Variants in TTC27 observed in about 807,000 individuals in gnomAD.
TTC27 encodes tetratricopeptide repeat domain 27, also known as tetratricopeptide repeat protein 27.
Under a neutral mutation model 115.9 loss-of-function variants are expected in TTC27, and 79 were observed. That is an observed-to-expected ratio of 0.68 (90% CI 0.57 to 0.82). The LOEUF is 0.82. Among genes scored for constraint, TTC27 ranks in the 40% least tolerant of loss-of-function variants. The pLI, the probability that TTC27 is intolerant of heterozygous loss-of-function variation, is 0.00. For synonymous variants in TTC27, 401 were observed against 356.0 expected (o/e 1.13, Z -1.42); for missense variants, 1,054 against 993.1 (o/e 1.06, Z -0.82).
At chr2:32,748,632 A>G (rs933108729) in intron 12 of TTC27, among the ~76,000 whole-genome samples, 2 of 150,022 alleles carry the variant, frequency 1.3e-5, no homozygotes, top group Admixed American at 6.6e-5. Context: ...TGATTGTTAT[A>G]TCTTTCTTGA....
chr2:32,753,841 AGGTGGG>A (rs1391761045), intron 12 of TTC27, among the ~76,000 whole-genome samples: 1 of 151,766 alleles, frequency 6.6e-6, no homozygotes. Flanking sequence ...TGAGAGGCCG[AGGTGGG>A]CAGATCACTT....
chr2:32,770,022 G>A (rs1051439930), intron 13 of TTC27, among the ~76,000 whole-genome samples: 4 of 152,154 alleles, frequency 2.6e-5, no homozygotes, highest in African/African-American at 9.7e-5. Context: ...GTGAATATTG[G>A]TGTGAACTAC....
At chr2:32,723,268 C>T (rs1488360179) in intron 10 of TTC27, among the ~76,000 whole-genome samples, 2 of 152,026 alleles carry the variant, frequency 1.3e-5, no homozygotes, top group Admixed American at 6.5e-5. Flanking sequence ...GATAACACTG[C>T]GTACATCTTA....
intron 5 of TTC27, among the ~76,000 whole-genome samples, chr2:32,654,721 A>G: frequency 6.9e-6 from 1 of 145,126 alleles, no homozygotes; most frequent in Non-Finnish European, 1.5e-5. Flanking sequence ...TTTGAGATGG[A>G]GTCTCGCTCT....
intron 9 of TTC27, among the ~76,000 whole-genome samples, chr2:32,683,190 A>G (rs569461458): frequency 2.0e-5 from 3 of 151,962 alleles, no homozygotes; most frequent in Non-Finnish European, 4.4e-5. Context: ...GGGTTTCACT[A>G]TGTTGGCCAG....
chr2:32,705,704 C>T (rs922829140), intron 10 of TTC27, among the ~76,000 whole-genome samples: 4 of 152,036 alleles, frequency 2.6e-5, no homozygotes, highest in African/African-American at 9.7e-5. Flanking sequence ...GCTACAGGTG[C>T]ATGCAACTGT....
At chr2:32,739,980 G>A (rs907983172) in intron 12 of TTC27, among the ~76,000 whole-genome samples, 15 of 152,114 alleles carry the variant, frequency 9.9e-5, no homozygotes, top group South Asian at 2.1e-4. Context: ...TTTACATCCC[G>A]GTGTTGTAGG....
chr2:32,717,079 C>T (rs567431663), intron 10 of TTC27, among the ~76,000 whole-genome samples: 1 of 151,340 alleles, frequency 6.6e-6, no homozygotes, highest in East Asian at 1.9e-4. Context: ...TCACAGCTCA[C>T]TACAATCTTG....
intron 5 of TTC27, among the ~76,000 whole-genome samples, chr2:32,650,666 A>T (rs868481393): frequency 1.6e-4 from 25 of 152,138 alleles, no homozygotes; most frequent in African/African-American, 5.8e-4. Context: ...ATAAGAAATT[A>T]TCCTATATCC....
intron 17 of TTC27, among the ~76,000 whole-genome samples, chr2:32,811,685 T>C (rs917239125): frequency 1.3e-5 from 2 of 152,210 alleles, no homozygotes; most frequent in Non-Finnish European, 2.9e-5. Context: ...CATAATACTT[T>C]TACAAAGGTT....
rs139769197 is a variant in TTC27, at chr2:32,747,921, T to G, written c.1453-10371T>G. Among the ~76,000 whole-genome samples, 475 of 152,100 alleles carry G rather than the reference T, an allele frequency of 3.1e-3. 6 individuals are homozygous for G. Among genetic ancestry groups the G allele is most frequent in the African/African-American group, 0.011 (464 of 41,524 alleles). Reference sequence around the variant, plus strand: ...GATTTTAAAGATTTAACTTTTGGTTTTTTGATTTTCTCTATTATTTTTTGA... The same window carrying G: ...GATTTTAAAGATTTAACTTTTGGTTGTTTGATTTTCTCTATTATTTTTTGA... On this transcript the variant is annotated intron_variant, in intron 12 of 19. Transcript: ENST00000317907.
intron 9 of TTC27, among the ~76,000 whole-genome samples, chr2:32,693,677 T>C (rs1194362397): frequency 3.3e-5 from 5 of 152,210 alleles, no homozygotes; most frequent in Admixed American, 1.3e-4. Flanking sequence ...CATCATACTG[T>C]ATATAAAACA....
intron 10 of TTC27, among the ~76,000 whole-genome samples, chr2:32,721,960 G>C (rs921811023): frequency 6.6e-6 from 1 of 152,172 alleles, no homozygotes; most frequent in Non-Finnish European, 1.5e-5. Flanking sequence ...TGGCTGTCAA[G>C]CCTACCTCAT....
chr2:32,780,147 T>C (rs545758269), intron 14 of TTC27: 7 of 450,372 alleles, frequency 1.6e-5, no homozygotes, highest in Non-Finnish European at 2.8e-5. Context: ...CTTTACAAGA[T>C]AGTTTTGGCT....
At chr2:32,816,670 T>C (rs1424515838) in intron 18 of TTC27, among the ~76,000 whole-genome samples, 1 of 152,222 alleles carries the variant, frequency 6.6e-6, no homozygotes, top group East Asian at 1.9e-4. Context: ...TGCCAAGCCT[T>C]GCTCAGGAAC....
chr2:32,763,248 C>G (rs569151416), intron 13 of TTC27, among the ~76,000 whole-genome samples: 1 of 152,298 alleles, frequency 6.6e-6, no homozygotes, highest in South Asian at 2.1e-4. Flanking sequence ...AAGATGCAAA[C>G]TTGAACACTG....
At chr2:32,765,380 G>A (rs1431147097) in intron 13 of TTC27, among the ~76,000 whole-genome samples, 4 of 145,300 alleles carry the variant, frequency 2.8e-5, no homozygotes, top group Non-Finnish European at 6.0e-5. Flanking sequence ...TTTTTAAGGA[G>A]TAAGTCTCCA....
chr2:32,650,083 T>A, intron 4 of TTC27, 48 bp from the exon 5 acceptor site: 2 of 1,469,820 alleles, frequency 1.4e-6, no homozygotes, highest in Non-Finnish European at 1.9e-6. Context: ...GTAAAAAGAG[T>A]TTTCTAAAGT....
intron 2 of TTC27, among the ~76,000 whole-genome samples, chr2:32,633,034 T>C (rs1307646448): frequency 6.6e-6 from 1 of 152,268 alleles, no homozygotes; most frequent in Non-Finnish European, 1.5e-5. Flanking sequence ...TATGTTTTGT[T>C]GTTGTTGTTG....
Sources: allele counts gnomAD v4.1 joint callset (sites outside exome capture counted in the v4.1 genomes callset), GRCh38; gene constraint gnomAD v4.1.1; transcripts MANE v1.5; gene names NCBI Gene and HGNC (gene_info 2026-07-23, HGNC 2026-07-21).